The following ATP9B variants were observed in gnomAD, a reference collection of about 807,000 sequenced individuals.
ATP9B encodes ATPase phospholipid transporting 9B.
A neutral mutation model predicts 146.1 loss-of-function variants in ATP9B; 110 were observed. That is an observed-to-expected ratio of 0.75 (90% CI 0.65 to 0.88). The LOEUF (loss-of-function observed/expected upper bound fraction) is 0.88, where lower values mean the gene tolerates loss of function less well. Ranked by LOEUF, ATP9B falls within the 40% of genes least tolerant of loss-of-function variation. ATP9B has a pLI of 0.00. For synonymous variants in ATP9B, 604 were observed against 569.7 expected (o/e 1.06, Z -0.86); for missense variants, 1,499 against 1,496.4 (o/e 1.00, Z -0.03).
chr18:79,252,962 G>A (rs1016337521), intron 11 of ATP9B, among the ~76,000 whole-genome samples: 3 of 152,228 alleles, frequency 2.0e-5, no homozygotes, highest in Non-Finnish European at 4.4e-5. Flanking sequence ...TGGTCATGGC[G>A]TAGCACATGC....
chr18:79,087,748 T>C (rs114639527), intron 1 of ATP9B: 10 of 152,362 alleles, frequency 6.6e-5, no homozygotes, highest in Admixed American at 2.6e-4. Flanking sequence ...GTGTAACTTA[T>C]GTGCCTTCCA....
At chr18:79,120,648 C>T (rs2094172312) in intron 4 of ATP9B, among the ~76,000 whole-genome samples, 1 of 152,138 alleles carries the variant, frequency 6.6e-6, no homozygotes, top group African/African-American at 2.4e-5. Context: ...AGTAACAAAA[C>T]AGAATGTCAT....
intron 7 of ATP9B, among the ~76,000 whole-genome samples, chr18:79,161,442 C>A (rs892219388): frequency 2.6e-5 from 4 of 152,154 alleles, no homozygotes; most frequent in African/African-American, 9.7e-5. Flanking sequence ...TTGATGGGTT[C>A]AAGTTAGGGC....
chr18:79,127,908 G>T (rs1332129113), intron 5 of ATP9B, among the ~76,000 whole-genome samples: 4 of 152,086 alleles, frequency 2.6e-5, no homozygotes, highest in African/African-American at 9.7e-5. Context: ...ACTGCTTTTT[G>T]ATTATAGTGG....
At chr18:79,309,424 C>T (rs2096638711) in intron 15 of ATP9B, among the ~76,000 whole-genome samples, 3 of 138,032 alleles carry the variant, frequency 2.2e-5, no homozygotes, top group Admixed American at 7.3e-5. Flanking sequence ...GGTAGAAGGT[C>T]AGGGGTGGAG....
chr18:79,079,811 G>A (rs2073048997), intron 1 of ATP9B, among the ~76,000 whole-genome samples: 1 of 152,126 alleles, frequency 6.6e-6, no homozygotes, highest in Non-Finnish European at 1.5e-5. Context: ...GCCACCTTGA[G>A]TTAATTTTCG....
At chr18:79,148,267 T>C (rs1599908168) in intron 6 of ATP9B, among the ~76,000 whole-genome samples, 1 of 152,182 alleles carries the variant, frequency 6.6e-6, no homozygotes, top group African/African-American at 2.4e-5. Context: ...TTTCAGAAAA[T>C]AATTGAGAAT....
chr18:79,256,609 T>C (rs1278509296), intron 12 of ATP9B, among the ~76,000 whole-genome samples: 2 of 151,962 alleles, frequency 1.3e-5, no homozygotes, highest in Non-Finnish European at 2.9e-5. Context: ...ATTTTACATA[T>C]TTAATATATA....
chr18:79,283,267 C>G (rs536784453), intron 13 of ATP9B, among the ~76,000 whole-genome samples: 4 of 152,088 alleles, frequency 2.6e-5, no homozygotes, highest in African/African-American at 9.7e-5. Context: ...TATTATAAAG[C>G]GTCCTGGTTC....
chr18:79,124,019 G>A (rs1480916067), intron 4 of ATP9B, among the ~76,000 whole-genome samples: 2 of 152,188 alleles, frequency 1.3e-5, no homozygotes, highest in African/African-American at 4.8e-5. Context: ...ACAAGTGTTG[G>A]TGAGGATGTG....
intron 11 of ATP9B, among the ~76,000 whole-genome samples, chr18:79,219,256 T>C (rs2095655965): frequency 6.6e-6 from 1 of 152,014 alleles, no homozygotes; most frequent in South Asian, 2.1e-4. Context: ...GAGAGAGTGC[T>C]GTGTTGAGGG....
chr18:79,251,487 G>T (rs1003364286), intron 11 of ATP9B, among the ~76,000 whole-genome samples: 15 of 152,094 alleles, frequency 9.9e-5, no homozygotes, highest in Non-Finnish European at 4.4e-5. Context: ...TAGCTTGTAG[G>T]TAAAATCTTA....
chr18:79,353,371 C>G (rs1425472571), intron 25 of ATP9B: 2 of 152,370 alleles, frequency 1.3e-5, no homozygotes, highest in African/African-American at 4.8e-5. Context: ...CGCAGACCAG[C>G]AGCAGGACTC....
At chr18:79,072,688 G>C (rs2072013561) in intron 1 of ATP9B, among the ~76,000 whole-genome samples, 1 of 145,774 alleles carries the variant, frequency 6.9e-6, no homozygotes, top group Non-Finnish European at 1.5e-5. Flanking sequence ...CAAGGCGGCT[G>C]CCGGGTGGGG....
intron 1 of ATP9B, among the ~76,000 whole-genome samples, chr18:79,096,020 G>A (rs2074749046): frequency 6.6e-6 from 1 of 152,218 alleles, no homozygotes; most frequent in African/African-American, 2.4e-5. Context: ...TTCAGATACA[G>A]ACAGCTACAT....
At chr18:79,316,619 G>A (rs533839096) in intron 15 of ATP9B, among the ~76,000 whole-genome samples, 1 of 152,228 alleles carries the variant, frequency 6.6e-6, no homozygotes, top group South Asian at 2.1e-4. Flanking sequence ...GTGACCTCAG[G>A]ACAGCAGCCC....
At chr18:79,160,945 T>C (rs1205885867) in intron 7 of ATP9B, among the ~76,000 whole-genome samples, 1 of 152,146 alleles carries the variant, frequency 6.6e-6, no homozygotes, top group African/African-American at 2.4e-5. Context: ...GATTTTTGTA[T>C]TTTTAGTAGA....
At chr18:79,356,181 C>T (rs544952116) in intron 25 of ATP9B, among the ~76,000 whole-genome samples, 1 of 152,254 alleles carries the variant, frequency 6.6e-6, no homozygotes, top group African/African-American at 2.4e-5. Flanking sequence ...CCAGGTTAGA[C>T]CACAGGATGC....
intron 14 of ATP9B, among the ~76,000 whole-genome samples, chr18:79,306,268 C>G (rs2096619936): frequency 6.6e-6 from 1 of 152,208 alleles, no homozygotes; most frequent in African/African-American, 2.4e-5. Context: ...GGAGTGTCCT[C>G]TGACACCCTC....
Sources: allele counts gnomAD v4.1 joint callset (sites outside exome capture counted in the v4.1 genomes callset), GRCh38; gene constraint gnomAD v4.1.1; transcripts MANE v1.5; gene names NCBI Gene and HGNC (gene_info 2026-07-23, HGNC 2026-07-21).